PLA2G5: variants seen among roughly 807,000 people sequenced by gnomAD.
PLA2G5 encodes the protein Ca2+-dependent phospholipase A2.
PLA2G5 carries 12 observed loss-of-function variants against 15.9 expected under a neutral mutation model. The observed-to-expected ratio is 0.76, with a 90% CI of 0.48 to 1.23. PLA2G5 has a LOEUF of 1.23. Ranked by LOEUF, PLA2G5 falls within the 50% of genes most tolerant of loss-of-function variation. PLA2G5 has a pLI of 0.00. For missense variants in PLA2G5, 169 were observed against 177.1 expected, an observed-to-expected ratio of 0.95 and a Z score of 0.26; for synonymous variants, 71 against 71.4, an observed-to-expected ratio of 0.99 and a Z score of 0.03.
At chr1:20,049,030 A>G (rs1002621969) in intron 1 of PLA2G5, among the ~76,000 whole-genome samples, 2 of 152,200 alleles carry the variant, frequency 1.3e-5, no homozygotes, top group Non-Finnish European at 2.9e-5. Context: ...AAGGTTATAT[A>G]TAAAACAAAG....
intron 1 of PLA2G5, among the ~76,000 whole-genome samples, chr1:20,079,774 T>C (rs1475803708): frequency 1.3e-5 from 2 of 152,106 alleles, no homozygotes; most frequent in African/African-American, 4.8e-5. Context: ...TTGCCCAGGG[T>C]CACACAGATA....
chr1:20,034,367 A>G (rs1038235812), intron 1 of PLA2G5, among the ~76,000 whole-genome samples: 4 of 152,204 alleles, frequency 2.6e-5, no homozygotes, highest in African/African-American at 7.2e-5. Context: ...AGGGAATAGT[A>G]AAAAAGGCAT....
intron 1 of PLA2G5, among the ~76,000 whole-genome samples, chr1:20,041,267 C>T (rs2100338339): frequency 6.6e-6 from 1 of 152,272 alleles, no homozygotes; most frequent in African/African-American, 2.4e-5. Context: ...GGTCTGGGAG[C>T]ACCCCCTCCA....
intron 1 of PLA2G5, among the ~76,000 whole-genome samples, chr1:20,039,954 C>A (rs1401293464): frequency 1.3e-5 from 2 of 152,112 alleles, no homozygotes; most frequent in African/African-American, 4.8e-5. Flanking sequence ...GCATTCTCAC[C>A]ACCAAACTAT....
In PLA2G5 at chr1:20,060,711, T is replaced by A. The variant is rs139969826; in HGVS notation, n.337+1019T>A. ...AGGAGGCCAACAGCCCACTTAGGGCTACATAGAGCAAGTCTTTCTTTCTTT... is the reference window on the plus strand; with the variant it reads ...AGGAGGCCAACAGCCCACTTAGGGCAACATAGAGCAAGTCTTTCTTTCTTT... On this transcript the variant is annotated intron_variant and non_coding_transcript_variant, in intron 2 of 6. Coordinates refer to the PLA2G5 transcript ENST00000460175. 1.3e-3 allele frequency among the ~76,000 whole-genome samples: 201 copies of A among 151,330 alleles called. 1 individual carries two copies. The highest frequency in any genetic ancestry group is 4.8e-3 in the African/African-American group (198 of 41,160).
At chr1:20,041,929 T>C (rs548270574) in intron 1 of PLA2G5, among the ~76,000 whole-genome samples, 1 of 152,280 alleles carries the variant, frequency 6.6e-6, no homozygotes, top group Non-Finnish European at 1.5e-5. Context: ...CTGATGTCTT[T>C]TGATGGCCCT....
chr1:20,083,136 C>T (rs1254894043), intron 1 of PLA2G5, among the ~76,000 whole-genome samples: 2 of 151,808 alleles, frequency 1.3e-5, no homozygotes, highest in Non-Finnish European at 2.9e-5. Flanking sequence ...ATGGTGGGGT[C>T]TAGGGCCATT....
chr1:20,051,749 C>G (rs1297437107), intron 1 of PLA2G5, among the ~76,000 whole-genome samples: 1 of 152,078 alleles, frequency 6.6e-6, no homozygotes, highest in Non-Finnish European at 1.5e-5. Flanking sequence ...GTTATGGAGC[C>G]AATAAAAGCC....
At chr1:20,029,325 C>T (rs562575216) in intron 1 of PLA2G5, among the ~76,000 whole-genome samples, 1 of 152,230 alleles carries the variant, frequency 6.6e-6, no homozygotes, top group East Asian at 1.9e-4. Context: ...CAACGTCCAG[C>T]CACCCGTGTG....
At chr1:20,064,063 T>C (rs1411268799) in intron 2 of PLA2G5, among the ~76,000 whole-genome samples, 2 of 152,182 alleles carry the variant, frequency 1.3e-5, no homozygotes, top group East Asian at 3.9e-4. Context: ...CAGGGAGCAT[T>C]ATGGACCTTT....
At chr1:20,032,450 AT>A (rs1394055123) in intron 1 of PLA2G5, among the ~76,000 whole-genome samples, 4 of 152,010 alleles carry the variant, frequency 2.6e-5, no homozygotes, top group Admixed American at 2.0e-4. Context: ...ACAGGGGGTC[AT>A]GTGAGTGAAG....
intron 1 of PLA2G5, among the ~76,000 whole-genome samples, chr1:20,042,868 G>A (rs1364469143): frequency 2.0e-5 from 3 of 152,144 alleles, no homozygotes; most frequent in Non-Finnish European, 4.4e-5. Flanking sequence ...AGGGAGATAC[G>A]CAATATTCTT....
intron 1 of PLA2G5, among the ~76,000 whole-genome samples, chr1:20,029,380 C>T (rs556765062): frequency 6.7e-6 from 1 of 149,422 alleles, no homozygotes; most frequent in Admixed American, 6.6e-5. Flanking sequence ...CCTCCGCTGA[C>T]ATGTTCCTCC....
chr1:20,029,899 CAGAA>C (rs2012822425), intron 1 of PLA2G5, among the ~76,000 whole-genome samples: 1 of 152,162 alleles, frequency 6.6e-6, no homozygotes, highest in Non-Finnish European at 1.5e-5. Flanking sequence ...TTGTGCTACA[CAGAA>C]AGAAAACAAT....
intron 1 of PLA2G5, among the ~76,000 whole-genome samples, chr1:20,048,547 C>G (rs916462432): frequency 6.6e-6 from 1 of 152,204 alleles, no homozygotes; most frequent in Non-Finnish European, 1.5e-5. Context: ...TTTAGGCAGT[C>G]TAGTCCACAG....
intron 1 of PLA2G5, among the ~76,000 whole-genome samples, chr1:20,033,880 C>A (rs1399014307): frequency 6.6e-6 from 1 of 151,926 alleles, no homozygotes; most frequent in Non-Finnish European, 1.5e-5. Context: ...TGTAGAGGAG[C>A]TTGGCCAGCA....
At chr1:20,040,357 T>C (rs917098737) in intron 1 of PLA2G5, among the ~76,000 whole-genome samples, 16 of 152,210 alleles carry the variant, frequency 1.1e-4, no homozygotes, top group African/African-American at 3.6e-4. Context: ...CTCCTCATCA[T>C]TTTGCTTTTG....
chr1:20,068,861 G>T, upstream of PLA2G5: 5 of 953,430 alleles, frequency 5.2e-6, no homozygotes, highest in Admixed American at 5.3e-5. Context: ...CCAATGTGTT[G>T]CCTCCTGGAA....
chr1:20,080,979 T>G (rs979592430), intron 1 of PLA2G5, among the ~76,000 whole-genome samples: 4 of 151,854 alleles, frequency 2.6e-5, no homozygotes, highest in Admixed American at 2.6e-4. Context: ...GTGCCTTCCG[T>G]GCAATGAGGC....
Sources: gnomAD v4.1 joint callset for allele counts (sites outside exome capture counted in the v4.1 genomes callset) on GRCh38, gnomAD v4.1.1 for gene constraint, MANE v1.5 for transcripts, NCBI Gene and HGNC (gene_info 2026-07-23, HGNC 2026-07-21) for gene names.